Variants in MAD1L1 observed in about 807,000 individuals in gnomAD.
The protein encoded by MAD1L1 is mitotic arrest deficient 1 like 1.
MAD1L1 carries 95 observed loss-of-function variants against 96.9 expected under a neutral mutation model. The ratio of observed to expected loss-of-function variants is 0.98; its 90% confidence interval spans 0.83 to 1.16. MAD1L1 has a LOEUF of 1.16. Among genes scored for constraint, MAD1L1 ranks in the 50% most tolerant of loss-of-function variants. The probability of loss-of-function intolerance (pLI) is 0.00; values close to 1 mark genes in which losing one functional copy is unlikely to be tolerated. For synonymous variants in MAD1L1, 473 were observed against 396.6 expected (o/e 1.19, Z -2.29); for missense variants, 1,007 against 954.4 (o/e 1.06, Z -0.73).
chr7:2,026,572 T>C (rs140772817), intron 12 of MAD1L1, among the ~76,000 whole-genome samples: 1,976 of 152,296 alleles, frequency 0.013, 32 homozygotes, highest in African/African-American at 0.045. Flanking sequence ...GTAAGTTTTA[T>C]GGGACTGGGG....
At chr7:2,073,729 T>G (rs563467042) in intron 11 of MAD1L1, among the ~76,000 whole-genome samples, 40 of 152,254 alleles carry the variant, frequency 2.6e-4, no homozygotes, top group South Asian at 6.2e-4. Flanking sequence ...CATAGGGGCG[T>G]GGGGCTGAGC....
chr7:1,881,382 T>A (rs1785672301), intron 18 of MAD1L1, among the ~76,000 whole-genome samples: 1 of 152,204 alleles, frequency 6.6e-6, no homozygotes, highest in Non-Finnish European at 1.5e-5. Context: ...ATAAATGGGT[T>A]AATAATTTAT....
chr7:2,056,796 G>A (rs547052348), intron 12 of MAD1L1, among the ~76,000 whole-genome samples: 27 of 152,364 alleles, frequency 1.8e-4, no homozygotes, highest in East Asian at 3.9e-4. Flanking sequence ...GCGGCCGATC[G>A]CGGAGAGGAA....
chr7:1,946,878 C>A (rs972203166), intron 16 of MAD1L1, among the ~76,000 whole-genome samples: 1 of 152,234 alleles, frequency 6.6e-6, no homozygotes, highest in Non-Finnish European at 1.5e-5. Context: ...ACCTGTGCCT[C>A]CAGGAGGCCT....
At chr7:2,052,494 G>A (rs1192617550) in intron 12 of MAD1L1, among the ~76,000 whole-genome samples, 1 of 152,116 alleles carries the variant, frequency 6.6e-6, no homozygotes, top group Non-Finnish European at 1.5e-5. Flanking sequence ...CAGGCAGGGA[G>A]GGGGCTGGAC....
chr7:1,962,721 T>A (rs1287126043), intron 15 of MAD1L1, among the ~76,000 whole-genome samples: 1 of 152,130 alleles, frequency 6.6e-6, no homozygotes, highest in Admixed American at 6.5e-5. Context: ...TAGTCATTTG[T>A]GAAATAAAAA....
intron 11 of MAD1L1, among the ~76,000 whole-genome samples, chr7:2,087,061 C>T (rs549098755): frequency 2.4e-4 from 37 of 152,272 alleles, no homozygotes; most frequent in Non-Finnish European, 4.4e-4. Context: ...CTCATGGAAG[C>T]TCTTCTCTTT....
chr7:2,188,357 T>C (rs1012841404), intron 10 of MAD1L1, among the ~76,000 whole-genome samples: 6 of 152,220 alleles, frequency 3.9e-5, no homozygotes, highest in African/African-American at 1.4e-4. Flanking sequence ...TCATATGGAA[T>C]CTCAAGGGAC....
At chr7:2,085,746 C>T (rs1022462000) in intron 11 of MAD1L1, among the ~76,000 whole-genome samples, 6 of 152,204 alleles carry the variant, frequency 3.9e-5, no homozygotes, top group Non-Finnish European at 5.9e-5. Flanking sequence ...TTGGCCCCAT[C>T]TCTTGGCTAC....
At chr7:1,906,246 C>T (rs1787624411) in intron 17 of MAD1L1, among the ~76,000 whole-genome samples, 1 of 152,118 alleles carries the variant, frequency 6.6e-6, no homozygotes, top group African/African-American at 2.4e-5. Flanking sequence ...AGCCTCTTCC[C>T]AGGCTGGCCT....
At chr7:1,962,650 G>A (rs373425290) in intron 15 of MAD1L1, among the ~76,000 whole-genome samples, 1 of 152,126 alleles carries the variant, frequency 6.6e-6, no homozygotes, top group Non-Finnish European at 1.5e-5. Context: ...AAAAACAGGT[G>A]CTTTACCAAA....
chr7:1,950,879 GC>G (rs1562555286), intron 16 of MAD1L1, among the ~76,000 whole-genome samples: 1 of 152,276 alleles, frequency 6.6e-6, no homozygotes, highest in Non-Finnish European at 1.5e-5. Context: ...CACATCGCCT[GC>G]CCCATCTGCA....
chr7:2,125,503 G>A (rs1310873147), intron 11 of MAD1L1, among the ~76,000 whole-genome samples: 1 of 152,200 alleles, frequency 6.6e-6, no homozygotes, highest in Non-Finnish European at 1.5e-5. Context: ...GGGCATCTGA[G>A]ATATCCTTTG....
chr7:1,835,931 T>C (rs953125119), intron 18 of MAD1L1, among the ~76,000 whole-genome samples: 1 of 152,254 alleles, frequency 6.6e-6, no homozygotes, highest in African/African-American at 2.4e-5. Context: ...ATGGCATTTG[T>C]AAGCTGTCAT....
In MAD1L1 at chr7:1,936,825, G is replaced by C. The variant is rs1471906113; in HGVS notation, c.1669C>G (p.Leu557Val). 6.2e-7 allele frequency: 1 copy of C among 1,603,438 alleles called. No individual in the cohort carries two copies. The highest frequency in any genetic ancestry group is 8.5e-7 in the Non-Finnish European group (1 of 1,175,888). The change falls in exon 17 of 19, where the codon CTG (leucine) becomes GTG (valine). Residue 557 changes from leucine (L) to valine (V), a missense_variant. Coordinates refer to ENST00000265854, the MANE Select transcript of MAD1L1 (RefSeq NM_001013836.2). Reference protein sequence around the residue: ...LNPTSVARQRLREDHSQLQAE... With the variant: ...LNPTSVARQRVREDHSQLQAE... ...TGCAGCTGGCTGTGGTCCTCGCGCA[G>C]GCGCTGCCTGGCCACACTGGTGGGG...
chr7:2,220,851 C>T (rs1793563641), intron 5 of MAD1L1: 2 of 1,585,396 alleles, frequency 1.3e-6, no homozygotes, highest in Non-Finnish European at 1.7e-6. Context: ...AACACATCCT[C>T]CCAGAGGTCT....
intron 13 of MAD1L1, among the ~76,000 whole-genome samples, chr7:2,004,533 T>C (rs552490231): frequency 6.6e-6 from 1 of 152,330 alleles, no homozygotes; most frequent in South Asian, 2.1e-4. Context: ...GGCTGAGAGC[T>C]GTGCGCGAGG....
In MAD1L1 at chr7:2,207,872, C is replaced by T. The variant is rs1329497685; in HGVS notation, c.986+5340G>A. Among the ~76,000 whole-genome samples the T allele has an allele frequency of 2.6e-5, 4 of 152,190 alleles. No homozygotes were observed. The East Asian group carries it at 7.7e-4, about 29-fold the overall frequency. On this transcript the variant is annotated intron_variant, in intron 10 of 18. Coordinates refer to ENST00000265854, the MANE Select transcript of MAD1L1 (RefSeq NM_001013836.2). Reference sequence around the variant, plus strand: ...ACTTGCACCTGGAATCTGAAGGGGGCACAGATGTGTGGGACTGGGCCCTGA... The same window carrying T: ...ACTTGCACCTGGAATCTGAAGGGGGTACAGATGTGTGGGACTGGGCCCTGA...
chr7:1,854,457 G>A (rs1784142479), intron 18 of MAD1L1: 1 of 441,006 alleles, frequency 2.3e-6, no homozygotes. Context: ...CACAAGGGCA[G>A]GGTAAGGCAC....
Sources: gnomAD v4.1 joint callset for allele counts (sites outside exome capture counted in the v4.1 genomes callset) on GRCh38, gnomAD v4.1.1 for gene constraint, MANE v1.5 for transcripts, NCBI Gene and HGNC (gene_info 2026-07-23, HGNC 2026-07-21) for gene names.